Variants in SFMBT1 observed in about 807,000 individuals in gnomAD.
The protein encoded by SFMBT1 is scm-like with four MBT domains protein 1.
A neutral mutation model predicts 108.7 loss-of-function variants in SFMBT1; 32 were observed. That is an observed-to-expected ratio of 0.29 (90% CI 0.22 to 0.40). SFMBT1 has a LOEUF of 0.40. Ranked by LOEUF, SFMBT1 falls within the 10% of genes least tolerant of loss-of-function variation. The pLI, the probability that SFMBT1 is intolerant of heterozygous loss-of-function variation, is 1.00. For synonymous variants in SFMBT1, 348 were observed against 369.5 expected (o/e 0.94, Z 0.67); for missense variants, 816 against 1,059.6 (o/e 0.77, Z 3.19).
intron 1 of SFMBT1, among the ~76,000 whole-genome samples, chr3:53,028,877 A>G (rs1049657685): frequency 1.3e-5 from 2 of 152,154 alleles, no homozygotes; most frequent in Non-Finnish European, 2.9e-5. Flanking sequence ...GCAAGTCACA[A>G]GAGTTATGGG....
intron 1 of SFMBT1, among the ~76,000 whole-genome samples, chr3:53,015,809 C>G (rs1363848982): frequency 3.9e-5 from 6 of 152,042 alleles, no homozygotes; most frequent in African/African-American, 1.4e-4. Flanking sequence ...CTAATGGGTA[C>G]AAGGTTTTTT....
At chr3:52,926,556 C>T (rs1702665851) in intron 9 of SFMBT1, among the ~76,000 whole-genome samples, 1 of 152,090 alleles carries the variant, frequency 6.6e-6, no homozygotes, top group African/African-American at 2.4e-5. Flanking sequence ...GACTTTTTTT[C>T]TTTGTTAAAG....
At chr3:52,994,829 G>C (rs1040211647) in intron 1 of SFMBT1, among the ~76,000 whole-genome samples, 3 of 149,882 alleles carry the variant, frequency 2.0e-5, no homozygotes, top group Admixed American at 6.7e-5. Context: ...CCACAATGGT[G>C]AGCCAATCAG....
chr3:52,958,457 G>A (rs1167645454), intron 2 of SFMBT1, among the ~76,000 whole-genome samples: 2 of 152,182 alleles, frequency 1.3e-5, no homozygotes, highest in African/African-American at 4.8e-5. Flanking sequence ...CAGGCGTGGT[G>A]GCGTGTGCCT....
chr3:53,031,183 C>A (rs967180016), intron 1 of SFMBT1, among the ~76,000 whole-genome samples: 4 of 152,158 alleles, frequency 2.6e-5, no homozygotes, highest in Admixed American at 2.0e-4. Context: ...CAGTGGGAGG[C>A]AAGTGGCTCC....
chr3:52,963,086 T>G (rs71299689), intron 2 of SFMBT1, among the ~76,000 whole-genome samples: 1 of 151,490 alleles, frequency 6.6e-6, no homozygotes, highest in Non-Finnish European at 1.5e-5. Context: ...CTCCACCTCC[T>G]GGGTACAAGA....
At chr3:52,912,877 GA>G (rs1042878422) in intron 15 of SFMBT1, among the ~76,000 whole-genome samples, 1 of 152,044 alleles carries the variant, frequency 6.6e-6, no homozygotes, top group Non-Finnish European at 1.5e-5. Context: ...TTACGGTCAG[GA>G]AAAAAACAGG....
intron 4 of SFMBT1, among the ~76,000 whole-genome samples, chr3:52,938,302 C>T (rs1703081853): frequency 6.6e-6 from 1 of 152,116 alleles, no homozygotes; most frequent in Admixed American, 6.5e-5. Flanking sequence ...TATTAATATG[C>T]ATGGCCTAAA....
intron 1 of SFMBT1, among the ~76,000 whole-genome samples, chr3:52,992,416 C>T (rs1705170590): frequency 6.6e-6 from 1 of 152,018 alleles, no homozygotes; most frequent in South Asian, 2.1e-4. Context: ...TCACATACCC[C>T]ATAAATACAT....
intron 1 of SFMBT1, among the ~76,000 whole-genome samples, chr3:52,987,772 G>A (rs1358130007): frequency 6.6e-6 from 1 of 152,180 alleles, no homozygotes; most frequent in East Asian, 1.9e-4. Context: ...GTAACCAAGA[G>A]TCTGGATGGC....
intron 2 of SFMBT1, among the ~76,000 whole-genome samples, chr3:52,968,207 T>C (rs1219326782): frequency 6.6e-6 from 1 of 152,246 alleles, no homozygotes; most frequent in Admixed American, 6.5e-5. Flanking sequence ...TTATTCTATT[T>C]ATGTAACATT....
intron 1 of SFMBT1, chr3:53,045,375 C>CGCGCGCGGGGAGGG (rs1345593376): frequency 7.1e-6 from 1 of 140,314 alleles, no homozygotes; most frequent in African/African-American, 2.5e-5. Flanking sequence ...GAGCGCGGGG[C>CGCGCGCGGGGAGGG]GCGCGCGGGG....
At chr3:53,013,290 C>T (rs965794070) in intron 1 of SFMBT1, among the ~76,000 whole-genome samples, 2 of 151,658 alleles carry the variant, frequency 1.3e-5, no homozygotes, top group Non-Finnish European at 2.9e-5. Flanking sequence ...AATCATTCTT[C>T]AATCTTTCAC....
chr3:52,926,777 C>A (rs1314889079), intron 9 of SFMBT1, among the ~76,000 whole-genome samples: 1 of 152,154 alleles, frequency 6.6e-6, no homozygotes, highest in African/African-American at 2.4e-5. Flanking sequence ...ATGCAAAGAG[C>A]TGAGCGAGGC....
chr3:52,929,263 G>C (rs1394611813), intron 8 of SFMBT1, among the ~76,000 whole-genome samples: 3 of 151,842 alleles, frequency 2.0e-5, no homozygotes, highest in Admixed American at 6.6e-5. Flanking sequence ...TTTAGAGACG[G>C]AGTTTCGCTC....
At chr3:52,910,582 G>A (rs549817554) in intron 17 of SFMBT1, among the ~76,000 whole-genome samples, 1 of 152,116 alleles carries the variant, frequency 6.6e-6, no homozygotes, top group East Asian at 1.9e-4. Context: ...TTCATCTCCC[G>A]CTTTCAAGTG....
At position 52,969,199 on chromosome 3, in the gene SFMBT1, A is replaced by G. The variant is rs1704258582; in HGVS notation, c.-71T>C. ...GGCCTATGGTTCTGCTAGGATCTGAAGATTACTTGCAGGTTTCAAGCATCT... is the reference window on the plus strand; with the variant it reads ...GGCCTATGGTTCTGCTAGGATCTGAGGATTACTTGCAGGTTTCAAGCATCT... On this transcript the variant is annotated 5_prime_UTR_variant, in exon 2 of 21. Transcript: ENST00000394752. The G allele has an allele frequency of 6.3e-7, 1 of 1,598,758 alleles. No individual in the cohort carries two copies. Among genetic ancestry groups the G allele is most frequent in the African/African-American group, 1.4e-5 (1 of 73,918 alleles).
At chr3:53,038,783 G>A (rs911775869) in intron 1 of SFMBT1, among the ~76,000 whole-genome samples, 2 of 152,174 alleles carry the variant, frequency 1.3e-5, no homozygotes, top group South Asian at 4.1e-4. Flanking sequence ...ACACGTACTA[G>A]TTTTCTATCA....
chr3:53,003,347 G>A (rs757939509), intron 1 of SFMBT1, among the ~76,000 whole-genome samples: 11 of 149,452 alleles, frequency 7.4e-5, no homozygotes, highest in African/African-American at 1.9e-4. Flanking sequence ...TGTGATAAAC[G>A]TATTACGGCT....
Sources: gnomAD v4.1 joint callset for allele counts (sites outside exome capture counted in the v4.1 genomes callset) on GRCh38, gnomAD v4.1.1 for gene constraint, MANE v1.5 for transcripts, NCBI Gene and HGNC (gene_info 2026-07-23, HGNC 2026-07-21) for gene names.